RALGAPA1: variants seen among roughly 807,000 people sequenced by gnomAD.
RALGAPA1 encodes ral GTPase-activating protein subunit alpha-1.
Under a neutral mutation model 269.6 loss-of-function variants are expected in RALGAPA1, and 52 were observed. The ratio of observed to expected loss-of-function variants is 0.19; its 90% CI spans 0.15 to 0.24. RALGAPA1 has a LOEUF of 0.24. RALGAPA1 is among the 10% of genes least tolerant of loss of function. RALGAPA1 has a pLI of 1.00. For missense variants in RALGAPA1, 1,917 were observed against 3,013.9 expected (o/e 0.64, Z 8.52); for synonymous variants, 817 against 1,008.3 (o/e 0.81, Z 3.60).
rs117222126 is a variant in RALGAPA1 at position 35,743,980 on chromosome 14, C to T, written c.1252-1415G>A. Among the ~76,000 whole-genome samples, 71 of 152,110 alleles carry T rather than the reference C, an allele frequency of 4.7e-4. No homozygotes were observed. In the East Asian group the frequency reaches 8.9e-3, roughly 19 times the overall value. On this transcript the variant is annotated intron_variant, in intron 10 of 41. Transcript: ENST00000680220. ...ACAATCCAGACAGGGAAAAATAAAA[C>T]AGCAAAAATACGCTTAATCTCATCA... is the stretch of plus-strand genomic sequence containing the variant.
At chr14:35,708,447 G>A (rs1272393231) in intron 16 of RALGAPA1, among the ~76,000 whole-genome samples, 1 of 152,006 alleles carries the variant, frequency 6.6e-6, no homozygotes, top group Non-Finnish European at 1.5e-5. Flanking sequence ...ACAAAAGATC[G>A]ATAGACATTT....
At chr14:35,583,972 G>A (rs1468784705) in intron 37 of RALGAPA1, among the ~76,000 whole-genome samples, 3 of 152,114 alleles carry the variant, frequency 2.0e-5, no homozygotes, top group Non-Finnish European at 4.4e-5. Context: ...GTTCTTCAGA[G>A]AGAAGAAAAA....
chr14:35,609,729 C>T (rs1226750790), intron 35 of RALGAPA1, among the ~76,000 whole-genome samples: 2 of 151,824 alleles, frequency 1.3e-5, no homozygotes, highest in African/African-American at 4.8e-5. Context: ...TCGAGACCAG[C>T]CTGGGCAACA....
At chr14:35,722,505 T>C (rs970059247) in intron 15 of RALGAPA1, among the ~76,000 whole-genome samples, 4 of 151,722 alleles carry the variant, frequency 2.6e-5, no homozygotes, top group African/African-American at 9.7e-5. Context: ...CCCAGCTACT[T>C]GGGAAGCTGA....
intron 35 of RALGAPA1, among the ~76,000 whole-genome samples, chr14:35,609,312 C>T (rs943184190): frequency 1.3e-5 from 2 of 151,112 alleles, no homozygotes; most frequent in African/African-American, 4.9e-5. Context: ...TTTTTATCCA[C>T]AATGGAATGA....
intron 17 of RALGAPA1, among the ~76,000 whole-genome samples, chr14:35,694,921 T>TA (rs1204782555): frequency 2.7e-5 from 4 of 150,568 alleles, no homozygotes; most frequent in South Asian, 2.1e-4. Context: ...TACCAAAAAT[T>TA]AAAAAAAAAT....
chr14:35,580,949 G>A (rs2057910182), intron 37 of RALGAPA1, among the ~76,000 whole-genome samples: 1 of 152,094 alleles, frequency 6.6e-6, no homozygotes, highest in African/African-American at 2.4e-5. Context: ...TCATTAATGT[G>A]TCTACTGAAT....
At chr14:35,788,204 C>A (rs2075927854) in intron 1 of RALGAPA1, among the ~76,000 whole-genome samples, 2 of 152,152 alleles carry the variant, frequency 1.3e-5, no homozygotes, top group South Asian at 4.2e-4. Flanking sequence ...AACTCCTGAC[C>A]TCGTGATTTA....
In RALGAPA1 at chr14:35,761,006, T is replaced by A; in HGVS notation, c.370A>T (p.Ile124Phe). 1 of 1,582,042 alleles carries A rather than the reference T, an allele frequency of 6.3e-7. No homozygotes were observed. Among genetic ancestry groups the A allele is most frequent in the East Asian group, 2.3e-5 (1 of 44,348 alleles). ...KLLHTGNSLK[I>F]RREGVRLFLL... ...AAAAGACGAACACCTTCCCGCCTAA[T>A]CTAAAATAAAATGAAAATAGACAGT... The change falls in exon 6 of 42, where the codon ATT (isoleucine) becomes TTT (phenylalanine). Residue 124 changes from isoleucine (I) to phenylalanine (F), a missense_variant and splice_region_variant. By Grantham distance (21) the Ile-to-Phe change is conservative. Around this residue, in one of 11 missense-constraint regions of RALGAPA1, gnomAD observed 462 missense variants for 725.6 expected, o/e 0.64. Transcript: ENST00000680220.
At chr14:35,700,080 GTTTA>G in intron 17 of RALGAPA1, 78 bp downstream of exon 17, 3 of 1,276,218 alleles carry the variant, frequency 2.4e-6, no homozygotes, top group Non-Finnish European at 3.1e-6. Context: ...ACTTTAAAGA[GTTTA>G]TTTGATTAAG....
At chr14:35,772,447 G>A (rs1238263249) in intron 3 of RALGAPA1, among the ~76,000 whole-genome samples, 1 of 152,116 alleles carries the variant, frequency 6.6e-6, no homozygotes, top group Non-Finnish European at 1.5e-5. Flanking sequence ...ACACAAATAT[G>A]TTCAAAATTC....
intron 35 of RALGAPA1, among the ~76,000 whole-genome samples, chr14:35,623,895 T>C (rs777812420): frequency 1.3e-5 from 2 of 152,078 alleles, no homozygotes; most frequent in Non-Finnish European, 2.9e-5. Context: ...CTGGCTAACA[T>C]GGTGAAACCC....
At chr14:35,720,128 C>G (rs570653179) in intron 16 of RALGAPA1, among the ~76,000 whole-genome samples, 1 of 152,278 alleles carries the variant, frequency 6.6e-6, no homozygotes, top group East Asian at 1.9e-4. Flanking sequence ...CAAATATAAT[C>G]ATTTTCCTTA....
intron 20 of RALGAPA1, 67 bp downstream of exon 20, chr14:35,684,862 C>A: frequency 1.3e-6 from 2 of 1,484,060 alleles, no homozygotes; most frequent in Admixed American, 4.0e-5. Flanking sequence ...CTACATAATC[C>A]GTAAGTCAGT....
chr14:35,578,113 C>T (rs1399985155), intron 37 of RALGAPA1, among the ~76,000 whole-genome samples: 2 of 152,128 alleles, frequency 1.3e-5, no homozygotes, highest in African/African-American at 4.8e-5. Flanking sequence ...CTAGCTTTTG[C>T]AGATGCAACA....
At chr14:35,548,599 G>T (rs1429105987) in intron 40 of RALGAPA1, 61 bp from the exon 41 acceptor site, 5 of 1,135,910 alleles carry the variant, frequency 4.4e-6, no homozygotes, top group African/African-American at 1.6e-5. Context: ...GAATAGGAAG[G>T]CCACGAGTCA....
chr14:35,809,130 C>A lies in RALGAPA1; in HGVS notation c.-295G>T, dbSNP rs1353082313. 1 of 316,492 alleles carries A rather than the reference C, an allele frequency of 3.2e-6. No individual in the cohort carries two copies. The highest frequency in any genetic ancestry group is 5.6e-6 in the Non-Finnish European group (1 of 177,586). The allele number at this position is 316,492 out of a possible 1,614,324, so 19.6% of individuals were successfully genotyped here. On this transcript the variant is annotated 5_prime_UTR_variant, in exon 1 of 42. Transcript: ENST00000680220. ...GGGCTGGCCGCCTGCCGCCGCCGCTCGTCTCCAGCGGCCGCCGCTCGCCGC... is the reference window on the plus strand; with the variant it reads ...GGGCTGGCCGCCTGCCGCCGCCGCTAGTCTCCAGCGGCCGCCGCTCGCCGC...
At chr14:35,790,413 C>G (rs762771654) in intron 1 of RALGAPA1, among the ~76,000 whole-genome samples, 9 of 151,560 alleles carry the variant, frequency 5.9e-5, no homozygotes, top group Non-Finnish European at 1.3e-4. Context: ...ACAGGCCAAG[C>G]GCGGTAGCTC....
intron 36 of RALGAPA1, among the ~76,000 whole-genome samples, chr14:35,601,388 T>C (rs1291404388): frequency 6.6e-6 from 1 of 152,162 alleles, no homozygotes; most frequent in Non-Finnish European, 1.5e-5. Context: ...CAGTGTGGTG[T>C]TGGGGGCACC....
Sources: allele counts gnomAD v4.1 joint callset (sites outside exome capture counted in the v4.1 genomes callset), GRCh38; gene constraint gnomAD v4.1.1; regional missense constraint gnomAD v4.1.1; transcripts MANE v1.5; gene names NCBI Gene and HGNC (gene_info 2026-07-23, HGNC 2026-07-21).